Variants in L3MBTL4 observed in about 807,000 individuals in gnomAD.
The protein encoded by L3MBTL4 is lethal(3)malignant brain tumor-like protein 4.
In L3MBTL4, 70 loss-of-function variants were observed where a neutral mutation model predicts 84.5. The observed-to-expected ratio is 0.83, with a 90% CI of 0.68 to 1.01. The LOEUF is 1.01. Among genes scored for constraint, L3MBTL4 ranks in the 50% least tolerant of loss-of-function variants. The pLI is 0.00. For missense variants in L3MBTL4, 715 were observed against 754.8 expected, an observed-to-expected ratio of 0.95 and a Z score of 0.62; for synonymous variants, 274 against 259.8, an observed-to-expected ratio of 1.05 and a Z score of -0.52.
intron 16 of L3MBTL4, among the ~76,000 whole-genome samples, chr18:6,019,741 T>C (rs562074477): frequency 6.6e-6 from 1 of 152,356 alleles, no homozygotes; most frequent in South Asian, 2.1e-4. Context: ...GTAGCAGAGC[T>C]AAGTCCAAAG....
intron 1 of L3MBTL4, among the ~76,000 whole-genome samples, chr18:6,377,543 A>G (rs1467853596): frequency 1.3e-5 from 2 of 151,550 alleles, no homozygotes; most frequent in South Asian, 2.1e-4. Flanking sequence ...TCATTGTTCA[A>G]CTCCCACTTA....
At chr18:6,389,339 C>A (rs1173518183) in intron 1 of L3MBTL4, among the ~76,000 whole-genome samples, 2 of 152,116 alleles carry the variant, frequency 1.3e-5, no homozygotes, top group African/African-American at 2.4e-5. Flanking sequence ...CAGAATAGAA[C>A]CTCTTGAAAG....
intron 16 of L3MBTL4, among the ~76,000 whole-genome samples, chr18:6,033,846 A>G (rs2055966431): frequency 6.6e-6 from 1 of 152,218 alleles, no homozygotes; most frequent in Non-Finnish European, 1.5e-5. Context: ...TTCCAAAATT[A>G]TATCTTTATA....
At chr18:6,045,924 T>C (rs2056599758) in intron 16 of L3MBTL4, among the ~76,000 whole-genome samples, 1 of 152,102 alleles carries the variant, frequency 6.6e-6, no homozygotes, top group Admixed American at 6.5e-5. Context: ...AACTCTCCAC[T>C]TAGAAGGCAC....
intron 16 of L3MBTL4, among the ~76,000 whole-genome samples, chr18:6,040,506 T>C (rs1598524223): frequency 6.6e-6 from 1 of 152,316 alleles, no homozygotes; most frequent in South Asian, 2.1e-4. Flanking sequence ...TACAGTCTAC[T>C]CCATACTGCA....
chr18:6,027,788 T>C (rs567576685), intron 16 of L3MBTL4, among the ~76,000 whole-genome samples: 2 of 152,354 alleles, frequency 1.3e-5, no homozygotes, highest in South Asian at 4.1e-4. Context: ...TAATGACCAG[T>C]GATGATAAGC....
chr18:5,999,696 T>C (rs139177087), intron 16 of L3MBTL4, among the ~76,000 whole-genome samples: 2 of 152,216 alleles, frequency 1.3e-5, no homozygotes, highest in Non-Finnish European at 2.9e-5. Flanking sequence ...ATTCAATATA[T>C]CTGTAAAAAG....
intron 1 of L3MBTL4, among the ~76,000 whole-genome samples, chr18:6,364,560 G>A (rs2053849644): frequency 6.6e-6 from 1 of 151,964 alleles, no homozygotes. Flanking sequence ...AAGTAAAAGA[G>A]TCACTGGTAA....
chr18:5,975,925 A>G (rs1460125255), intron 16 of L3MBTL4, among the ~76,000 whole-genome samples: 2 of 152,216 alleles, frequency 1.3e-5, no homozygotes, highest in Non-Finnish European at 2.9e-5. Flanking sequence ...ATAAACGAAT[A>G]TCTGCAGTTT....
chr18:6,317,411 C>A (rs1288921641), intron 1 of L3MBTL4, among the ~76,000 whole-genome samples: 1 of 150,956 alleles, frequency 6.6e-6, no homozygotes, highest in East Asian at 1.9e-4. Flanking sequence ...TAAAGAAAAA[C>A]CAATCAGAAC....
At chr18:6,085,435 A>G in intron 15 of L3MBTL4, among the ~76,000 whole-genome samples, 1 of 152,228 alleles carries the variant, frequency 6.6e-6, no homozygotes, top group East Asian at 1.9e-4. Flanking sequence ...GTACATTGAT[A>G]TGGTTAGGCT....
At chr18:6,240,234 G>C (rs57076165) in intron 8 of L3MBTL4, among the ~76,000 whole-genome samples, 7,794 of 151,966 alleles carry the variant, frequency 0.051, 325 homozygotes, top group East Asian at 0.24. Context: ...GCTTCCCATA[G>C]GCTTTTGAAG....
intron 1 of L3MBTL4, among the ~76,000 whole-genome samples, chr18:6,345,421 C>CAA (rs1157761659): frequency 6.7e-6 from 1 of 150,126 alleles, no homozygotes; most frequent in African/African-American, 2.4e-5. Context: ...AACAAACAAA[C>CAA]AAAAAAAACC....
intron 1 of L3MBTL4, among the ~76,000 whole-genome samples, chr18:6,352,106 T>G (rs1335498581): frequency 1.2e-5 from 1 of 85,694 alleles, no homozygotes; most frequent in African/African-American, 8.6e-5. Context: ...GGGTTTAAAT[T>G]TTTTTGCTTC....
intron 12 of L3MBTL4, among the ~76,000 whole-genome samples, chr18:6,188,105 G>A (rs948718390): frequency 7.3e-5 from 11 of 151,614 alleles, no homozygotes; most frequent in South Asian, 2.1e-4. Flanking sequence ...TTAATTCCCC[G>A]CCTCCCTCAC....
chr18:6,266,410 G>A (rs1055539533), intron 4 of L3MBTL4, among the ~76,000 whole-genome samples: 4 of 152,106 alleles, frequency 2.6e-5, no homozygotes, highest in East Asian at 1.9e-4. Flanking sequence ...ATCAGAAAAC[G>A]CTGAGTCCTA....
intron 14 of L3MBTL4, among the ~76,000 whole-genome samples, chr18:6,100,741 A>T (rs2058797614): frequency 6.6e-6 from 1 of 152,230 alleles, no homozygotes; most frequent in Non-Finnish European, 1.5e-5. Flanking sequence ...ACACAGATCC[A>T]TGTGGCTTCC....
chr18:6,264,029 G>C lies in L3MBTL4; in HGVS notation c.137C>G (p.Ala46Gly). ...STTPLSHVPSAAAQGAWSWEW... is the reference protein window; with the variant it reads ...STTPLSHVPSGAAQGAWSWEW... Reference sequence around the variant, plus strand: ...CCAAGACCATGCTCCCTGTGCAGCCGCTGAAGGGACTGGAAGAGAAAACAC... The same window carrying C: ...CCAAGACCATGCTCCCTGTGCAGCCCCTGAAGGGACTGGAAGAGAAAACAC... Residue 46 changes from alanine to glycine, a missense_variant, in exon 5 of 19, where the codon GCG becomes GGG. Physicochemically the swap from Ala to Gly is moderately conservative, Grantham distance 60. Transcript: ENST00000317931. 1.9e-6 allele frequency: 3 copies of C among 1,610,124 alleles called. No individual in the cohort carries two copies. Among genetic ancestry groups the C allele is most frequent in the Non-Finnish European group, 2.6e-6 (3 of 1,176,340 alleles).
intron 12 of L3MBTL4, among the ~76,000 whole-genome samples, chr18:6,188,347 A>AAAG (rs1271454260): frequency 1.3e-5 from 2 of 151,066 alleles, no homozygotes; most frequent in Non-Finnish European, 2.9e-5. Context: ...GTAATTATTA[A>AAAG]TAAATTAATA....
Sources: gnomAD v4.1 joint callset for allele counts (sites outside exome capture counted in the v4.1 genomes callset) on GRCh38, gnomAD v4.1.1 for gene constraint, MANE v1.5 for transcripts, NCBI Gene and HGNC (gene_info 2026-07-23, HGNC 2026-07-21) for gene names.